Variants in NACC1 observed in about 807,000 individuals in gnomAD.
NACC1 encodes the protein nucleus accumbens-associated protein 1.
NACC1 carries 6 observed loss-of-function variants against 41.7 expected under a neutral mutation model. The observed-to-expected ratio is 0.14, with a 90% CI of 0.08 to 0.28. NACC1 has a LOEUF of 0.28. Ranked by LOEUF, NACC1 falls within the 10% of genes least tolerant of loss-of-function variation. The probability of loss-of-function intolerance (pLI) is 1.00; values close to 1 mark genes in which losing one functional copy is unlikely to be tolerated. For missense variants in NACC1, 434 were observed against 763.7 expected, an observed-to-expected ratio of 0.57 and a Z score of 5.09; for synonymous variants, 338 against 330.6, an observed-to-expected ratio of 1.02 and a Z score of -0.24.
At position 13,136,161 on chromosome 19, in the gene NACC1, G is replaced by T; in HGVS notation, c.946+8G>T. 1.2e-6 allele frequency: 2 copies of T among 1,607,738 alleles called. No homozygotes were observed. The highest frequency in any genetic ancestry group is 1.7e-6 in the Non-Finnish European group (2 of 1,176,760). On this transcript the variant is annotated splice_region_variant and intron_variant, in intron 2 of 5. Coordinates refer to ENST00000292431, the MANE Select transcript of NACC1 (RefSeq NM_052876.4). This position sits in a 1 kb window ranked among gnomAD's most constrained non-coding sequence, Gnocchi z 5.5. ...TGAACGTCGGCCAGACAGGTGAGGTGCCGTCCTGTCCCCCATCCCACCAGC... is the reference window on the plus strand; with the variant it reads ...TGAACGTCGGCCAGACAGGTGAGGTTCCGTCCTGTCCCCCATCCCACCAGC...
intron 1 of NACC1, among the ~76,000 whole-genome samples, chr19:13,132,873 A>G (rs1032193598): frequency 6.6e-6 from 1 of 152,196 alleles, no homozygotes; most frequent in Non-Finnish European, 1.5e-5. Flanking sequence ...GAGAAAGCAG[A>G]GATTTGGAGC....
chr19:13,119,427 G>A lies in NACC1; in HGVS notation c.-9+973G>A, dbSNP rs571419474. Among the ~76,000 whole-genome samples the A allele has an allele frequency of 2.6e-5, 4 of 152,236 alleles. No individual in the cohort carries two copies. In the South Asian group the frequency reaches 8.3e-4, roughly 32 times the overall value. On this transcript the variant is annotated intron_variant, in intron 1 of 5. Transcript: ENST00000292431. ...GCTTAGGCATCTTGTTTATCACAAG[G>A]TGGCCCTTGCCCACCCCCACCTTAT...
intron 1 of NACC1, among the ~76,000 whole-genome samples, chr19:13,121,818 T>A (rs2019497932): frequency 6.6e-6 from 1 of 152,160 alleles, no homozygotes; most frequent in Non-Finnish European, 1.5e-5. Flanking sequence ...TCTCAGCACT[T>A]GTACACACTC....
chr19:13,128,288 T>A (rs2019590346), intron 1 of NACC1, among the ~76,000 whole-genome samples: 1 of 152,168 alleles, frequency 6.6e-6, no homozygotes, highest in East Asian at 1.9e-4. Context: ...ACAGACTGGG[T>A]GGCTTAAACA....
intron 1 of NACC1, among the ~76,000 whole-genome samples, chr19:13,119,674 A>G (rs1404763900): frequency 6.6e-6 from 1 of 152,170 alleles, no homozygotes; most frequent in African/African-American, 2.4e-5. Context: ...GGGAATGAGC[A>G]TGTAAAACTC....
At position 13,138,446 on chromosome 19, in the gene NACC1, A is replaced by AAC. The variant is rs141874584; in HGVS notation, c.*53_*54dup. 67 of 1,453,440 alleles carry AAC rather than the reference A, an allele frequency of 4.6e-5. No homozygotes were observed. The highest frequency in any genetic ancestry group is 2.2e-4 in the East Asian group (9 of 40,152). The allele number at this position is 1,453,440 out of a possible 1,614,324, so 90.0% of individuals were successfully genotyped here. A position where few individuals can be genotyped will look rare whatever the true frequency, so the allele number is the denominator to read the frequency against. On this transcript the variant is annotated 3_prime_UTR_variant, in exon 6 of 6. Coordinates refer to ENST00000292431, the MANE Select transcript of NACC1 (RefSeq NM_052876.4). This position sits in a 1 kb window ranked among gnomAD's most constrained non-coding sequence, Gnocchi z 5.7. ...CGCGGGGCCACACACTTCCCCTCCCAACACACACACACACCTGCCATCTTG... is the reference window on the plus strand; with the variant it reads ...CGCGGGGCCACACACTTCCCCTCCCAACACACACACACACACCTGCCATCTTG...
In NACC1 at chr19:13,139,997, A is replaced by G. The variant is rs533277816; in HGVS notation, c.*1591A>G. 6.6e-6 allele frequency: 1 copy of G among 151,760 alleles called. No individual in the cohort carries two copies. Among genetic ancestry groups the G allele is most frequent in the Non-Finnish European group, 1.5e-5 (1 of 67,970 alleles). 9.4% of individuals were successfully genotyped at this position (151,760 alleles called of 1,614,324 possible). A position where few individuals can be genotyped will look rare whatever the true frequency, so the allele number is the denominator to read the frequency against. ...TCCAGGGGCAGGGGGATTTTAGGAG[A>G]TGGGGTGGGGGCCAGCCCCTACTGG... On this transcript the variant is annotated 3_prime_UTR_variant, in exon 6 of 6. Coordinates refer to ENST00000292431, the MANE Select transcript of NACC1 (RefSeq NM_052876.4).
chr19:13,134,439 C>T (rs1396752351), intron 1 of NACC1, among the ~76,000 whole-genome samples: 5 of 151,880 alleles, frequency 3.3e-5, no homozygotes, highest in African/African-American at 7.3e-5. Flanking sequence ...GCCACAATCT[C>T]GGCTCACTGC....
intron 1 of NACC1, among the ~76,000 whole-genome samples, chr19:13,127,676 T>C (rs2145616610): frequency 6.8e-6 from 1 of 147,320 alleles, no homozygotes; most frequent in Non-Finnish European, 1.5e-5. Flanking sequence ...AGCGAGACTC[T>C]GCCTCAAAAA....
intron 1 of NACC1, among the ~76,000 whole-genome samples, chr19:13,122,046 G>A (rs764832859): frequency 2.6e-5 from 4 of 152,162 alleles, no homozygotes; most frequent in African/African-American, 4.8e-5. Flanking sequence ...CCTCTGGGCC[G>A]CATGAGGTGG....
At chr19:13,125,443 G>A (rs1212718226) in intron 1 of NACC1, among the ~76,000 whole-genome samples, 2 of 144,050 alleles carry the variant, frequency 1.4e-5, no homozygotes, top group African/African-American at 2.6e-5. Context: ...TTGGTGAGAC[G>A]GAGATTTACT....
chr19:13,132,936 T>C (rs969494663), intron 1 of NACC1, among the ~76,000 whole-genome samples: 1 of 152,192 alleles, frequency 6.6e-6, no homozygotes, highest in Non-Finnish European at 1.5e-5. Context: ...CCTTAGGTTG[T>C]ACCTCTGAGC....
At chr19:13,117,719 A>T (rs895028203), upstream of NACC1, among the ~76,000 whole-genome samples, 3 of 151,740 alleles carry the variant, frequency 2.0e-5, no homozygotes, top group South Asian at 6.2e-4. Flanking sequence ...ACGCCCGGCT[A>T]ATTTTTGTAT....
upstream of NACC1, among the ~76,000 whole-genome samples, chr19:13,117,777 C>T (rs2019410769): frequency 6.6e-6 from 1 of 152,124 alleles, no homozygotes; most frequent in African/African-American, 2.4e-5. Context: ...TGGTTTCGAA[C>T]TCCTGACCTC....
Position 13,135,245 on chromosome 19 carries a change from G to C in NACC1, c.38G>C (p.Gly13Ala). The C allele has an allele frequency of 6.2e-7, 1 of 1,611,998 alleles. No individual in the cohort carries two copies. Among genetic ancestry groups the C allele is most frequent in the Non-Finnish European group, 8.5e-7 (1 of 1,179,190 alleles). ...CTGCAGATGGAGATCCCGAACTTCG[G>C]CAACAGCATCCTGGAGTGCCTCAAT... ...QTLQMEIPNF[G>A]NSILECLNEQ... The change falls in exon 2 of 6, where the codon GGC becomes GCC. Residue 13 changes from glycine to alanine, a missense_variant. Coordinates refer to ENST00000292431, the MANE Select transcript of NACC1 (RefSeq NM_052876.4).
intron 1 of NACC1, among the ~76,000 whole-genome samples, chr19:13,125,102 A>G (rs2019545777): frequency 1.3e-5 from 2 of 152,132 alleles, no homozygotes; most frequent in South Asian, 4.1e-4. Flanking sequence ...TTGACGCTAT[A>G]GTGATCCAAG....
rs1460597774 is a variant in NACC1 at position 13,135,406 on chromosome 19, G to A, written c.199G>A (p.Val67Met). Residue 67 changes from valine to methionine, a missense_variant, in exon 2 of 6, where the codon GTG (valine) becomes ATG (methionine). Transcript: ENST00000292431. Reference protein sequence around the residue: ...DLFNNSRSAVVELPAAVQPQS... With the variant: ...DLFNNSRSAVMELPAAVQPQS... ...GTTCAACAACAGCCGCAGCGCCGTGGTGGAGCTGCCGGCGGCTGTGCAGCC... is the reference window on the plus strand; with the variant it reads ...GTTCAACAACAGCCGCAGCGCCGTGATGGAGCTGCCGGCGGCTGTGCAGCC... The A allele has an allele frequency of 6.2e-7, 1 of 1,613,410 alleles. No individual in the cohort carries two copies. Among genetic ancestry groups the A allele is most frequent in the Non-Finnish European group, 8.5e-7 (1 of 1,179,856 alleles).
chr19:13,121,267 G>C (rs1007679203), intron 1 of NACC1, among the ~76,000 whole-genome samples: 1 of 152,080 alleles, frequency 6.6e-6, no homozygotes, highest in African/African-American at 2.4e-5. Context: ...CTTTTCTTGA[G>C]TATGTACCAG....
At chr19:13,131,014 C>T (rs148308194) in intron 1 of NACC1, among the ~76,000 whole-genome samples, 55 of 152,262 alleles carry the variant, frequency 3.6e-4, no homozygotes, top group Non-Finnish European at 5.6e-4. Flanking sequence ...GATACCTTCC[C>T]GCCCAGAAGT....
Sources: allele counts gnomAD v4.1 joint callset (sites outside exome capture counted in the v4.1 genomes callset), GRCh38; gene constraint gnomAD v4.1.1; non-coding constraint Gnocchi (gnomAD v3.1); transcripts MANE v1.5; gene names NCBI Gene and HGNC (gene_info 2026-07-23, HGNC 2026-07-21).